P4HA2: variants seen among roughly 807,000 people sequenced by gnomAD.
P4HA2 encodes prolyl 4-hydroxylase subunit alpha 2, also known as prolyl 4-hydroxylase subunit alpha-2.
In P4HA2, 46 loss-of-function variants were observed where a neutral mutation model predicts 76.9. The ratio of observed to expected loss-of-function variants is 0.60; its 90% CI spans 0.47 to 0.76. The LOEUF (loss-of-function observed/expected upper bound fraction) is 0.76. P4HA2 is among the 30% of genes least tolerant of loss of function. The pLI is 0.00. For missense variants in P4HA2, 583 were observed against 669.4 expected (o/e 0.87, Z 1.42); for synonymous variants, 243 against 254.0 (o/e 0.96, Z 0.41).
chr5:132,209,033 G>A (rs1472746231), intron 7 of P4HA2, 105 bp downstream of exon 7: 6 of 794,066 alleles, frequency 7.6e-6, no homozygotes, highest in African/African-American at 1.7e-5. Context: ...GGGATATACT[G>A]AGAAAAGTAC....
At chr5:132,205,545 C>A (rs1228766728) in intron 8 of P4HA2, among the ~76,000 whole-genome samples, 2 of 152,112 alleles carry the variant, frequency 1.3e-5, no homozygotes, top group Non-Finnish European at 2.9e-5. Flanking sequence ...AGAGTGGGGA[C>A]TGGGAGGCTA....
At chr5:132,224,705 T>C (rs1433293258) in intron 1 of P4HA2, among the ~76,000 whole-genome samples, 1 of 137,320 alleles carries the variant, frequency 7.3e-6, no homozygotes, top group Admixed American at 7.8e-5. Context: ...CAATGTTCTC[T>C]AGCAAAAGGC....
intron 7 of P4HA2, among the ~76,000 whole-genome samples, chr5:132,208,836 G>A (rs1351740613): frequency 2.6e-5 from 4 of 152,022 alleles, no homozygotes; most frequent in Non-Finnish European, 4.4e-5. Flanking sequence ...CCTGAGGTAC[G>A]TCCACCCATT....
intron 2 of P4HA2, 21 bp downstream of exon 2, chr5:132,218,524 G>A (rs201717961): frequency 3.7e-5 from 57 of 1,561,334 alleles, no homozygotes; most frequent in African/African-American, 8.1e-5. Flanking sequence ...TCAGGGAGAC[G>A]ACAGTCCTGT....
chr5:132,209,719 G>T (rs1752788540), intron 6 of P4HA2, among the ~76,000 whole-genome samples: 1 of 149,168 alleles, frequency 6.7e-6, no homozygotes, highest in Non-Finnish European at 1.5e-5. Context: ...AGGTTACAGT[G>T]AGCTGAGATC....
In P4HA2 at chr5:132,210,272, G is replaced by C; in HGVS notation, c.709+12C>G. Reference sequence around the variant, plus strand: ...TCCATTCCCATCTTACCTTCCCCTAGAATCTCCTTACCAAGGGAGAGCAGG... The same window carrying C: ...TCCATTCCCATCTTACCTTCCCCTACAATCTCCTTACCAAGGGAGAGCAGG... On this transcript the variant is annotated intron_variant, in intron 6 of 14. Coordinates refer to ENST00000360568, the MANE Select transcript of P4HA2 (RefSeq NM_001017974.2). 6.2e-7 allele frequency: 1 copy of C among 1,613,828 alleles called. No homozygotes were observed.
At chr5:132,222,363 G>A (rs138680690) in intron 1 of P4HA2, among the ~76,000 whole-genome samples, 22 of 152,160 alleles carry the variant, frequency 1.4e-4, no homozygotes, top group Admixed American at 1.2e-3. Context: ...CTGCTGCCAC[G>A]GCACCCTAGG....
In P4HA2 at chr5:132,217,795, C is replaced by T; in HGVS notation, c.136G>A (p.Glu46Lys). ...TTGGCTTCCTCCACAAGGATGTACT[C>T]TTTCAGAGACTGCACCAGCTCTTTC... ...AEKELVQSLK[E>K]YILVEEAKLS... is the part of the protein sequence containing the mutation. Residue 46 changes from glutamate to lysine, a missense_variant, in exon 3 of 15, where the codon GAG becomes AAG. By Grantham distance (56) the Glu-to-Lys change is moderately conservative (BLOSUM62 1). Coordinates refer to ENST00000360568, the MANE Select transcript of P4HA2 (RefSeq NM_001017974.2). 7 of 1,613,486 alleles carry T rather than the reference C, an allele frequency of 4.3e-6. No homozygotes were observed. Among genetic ancestry groups the T allele is most frequent in the Non-Finnish European group, 5.9e-6 (7 of 1,179,400 alleles).
Position 132,218,630 on chromosome 5 carries a change from C to A in P4HA2, c.-4G>T. 5 of 1,611,474 alleles carry A rather than the reference C, an allele frequency of 3.1e-6. No individual in the cohort carries two copies. In the South Asian group the frequency reaches 5.5e-5, roughly 18 times the overall value. On this transcript the variant is annotated 5_prime_UTR_variant, in exon 2 of 15. Coordinates refer to ENST00000360568, the MANE Select transcript of P4HA2 (RefSeq NM_001017974.2). ...ATGCAGACACCCAGAGTTTCATGGTCACAGAGGGAAGTGTCTGAAAGGCAT... is the reference window on the plus strand; with the variant it reads ...ATGCAGACACCCAGAGTTTCATGGTAACAGAGGGAAGTGTCTGAAAGGCAT...
chr5:132,207,813 G>A lies in P4HA2; in HGVS notation c.975C>T (p.Ala325=), dbSNP rs199943138. The A allele has an allele frequency of 3.5e-5, 56 of 1,612,064 alleles. No homozygotes were observed. The highest frequency in any genetic ancestry group is 4.2e-5 in the Non-Finnish European group (50 of 1,178,968). Residue 325 remains alanine, a synonymous_variant, in exon 8 of 15, where the codon GCC becomes GCT. Transcript: ENST00000360568. ...HGNRAPQLLI[A]PFKEEDEWDS... ...CCCACTCGTCCTCCTCTTTGAAGGGGGCAATGAGCAGCTGTGGGGCCCTGT... is the reference window on the plus strand; with the variant it reads ...CCCACTCGTCCTCCTCTTTGAAGGGAGCAATGAGCAGCTGTGGGGCCCTGT...
At position 132,193,154 on chromosome 5, in the gene P4HA2, T is replaced by A. The variant is rs138173230; in HGVS notation, c.1532-74A>T. The stretch of plus-strand genomic sequence containing the variant: ...GCCTGAATGAATGACTCCTTCATGA[T>A]GACCCCCTGCACTGTGCCCTGGAAT... On this transcript the variant is annotated intron_variant, in intron 14 of 14. Transcript: ENST00000360568. 6.4e-4 allele frequency: 624 copies of A among 980,264 alleles called. 4 individuals carry two copies. The African/African-American group carries it at 9.3e-3, about 15-fold the overall frequency. 60.7% of individuals were successfully genotyped at this position (980,264 alleles called of 1,614,324 possible). A position where few individuals can be genotyped will look rare whatever the true frequency, so the allele number is the denominator to read the frequency against.
chr5:132,194,276 GT>G (rs945277615), intron 14 of P4HA2, among the ~76,000 whole-genome samples: 5 of 151,990 alleles, frequency 3.3e-5, no homozygotes, highest in African/African-American at 1.2e-4. Flanking sequence ...CAACTGCCTT[GT>G]TTTCTTTTCC....
Position 132,207,737 on chromosome 5 carries a change from C to T in P4HA2, c.1051G>A (p.Glu351Lys), listed in dbSNP as rs202201315. Residue 351 changes from glutamate to lysine, a missense_variant, in exon 8 of 15, where the codon GAG (glutamate) becomes AAG (lysine). By Grantham distance (56) the Glu-to-Lys change is moderately conservative. Coordinates refer to ENST00000360568, the MANE Select transcript of P4HA2 (RefSeq NM_001017974.2). ...YYDVMSDEEI[E>K]RIKEIAKPKL... ...GGTTTTGCGATCTCCTTGATCCTCT[C>T]GATTTCCTCATCAGACATGACATCG... 2.2e-5 allele frequency: 36 copies of T among 1,614,006 alleles called. No homozygotes were observed. Among genetic ancestry groups the T allele is most frequent in the South Asian group, 4.4e-5 (4 of 91,070 alleles).
intron 1 of P4HA2, among the ~76,000 whole-genome samples, chr5:132,223,043 C>T (rs1002125946): frequency 6.6e-6 from 1 of 152,240 alleles, no homozygotes; most frequent in Non-Finnish European, 1.5e-5. Context: ...TCACCCATCT[C>T]CCAGGTCCCA....
chr5:132,224,896 G>T (rs977985084), intron 1 of P4HA2, among the ~76,000 whole-genome samples: 3 of 152,038 alleles, frequency 2.0e-5, no homozygotes, highest in Non-Finnish European at 4.4e-5. Context: ...GCAGATGCTG[G>T]CCTGTTACCA....
chr5:132,213,748 TGAGG>T (rs1753433934), intron 5 of P4HA2, among the ~76,000 whole-genome samples, 164 bp downstream of exon 5: 4 of 152,016 alleles, frequency 2.6e-5, no homozygotes, highest in African/African-American at 9.7e-5. Context: ...GGGCAGGGGC[TGAGG>T]GAGAAACCTG....
chr5:132,211,954 C>T (rs141832389), intron 5 of P4HA2, among the ~76,000 whole-genome samples: 1 of 152,274 alleles, frequency 6.6e-6, no homozygotes, highest in African/African-American at 2.4e-5. Flanking sequence ...CAACATGTCT[C>T]CCAGATGCCA....
chr5:132,213,641 T>C (rs1363880446), intron 5 of P4HA2, among the ~76,000 whole-genome samples: 1 of 152,148 alleles, frequency 6.6e-6, no homozygotes, highest in Admixed American at 6.5e-5. Flanking sequence ...TGTGGTGCTC[T>C]GGGGACAGAC....
At chr5:132,204,956 G>A (rs776157221) in intron 8 of P4HA2, among the ~76,000 whole-genome samples, 1 of 152,254 alleles carries the variant, frequency 6.6e-6, no homozygotes. Context: ...TGCTTCAGCT[G>A]TGGACTGTCC....
Sources: gnomAD v4.1 joint callset for allele counts (sites outside exome capture counted in the v4.1 genomes callset) on GRCh38, gnomAD v4.1.1 for gene constraint, MANE v1.5 for transcripts, NCBI Gene and HGNC (gene_info 2026-07-23, HGNC 2026-07-21) for gene names.